The following MACO1 variants were observed in gnomAD, a reference collection of about 807,000 sequenced individuals.
The protein encoded by MACO1 is macoilin 1.
In MACO1, 14 loss-of-function variants were observed where a neutral mutation model predicts 78.7. That is an observed-to-expected ratio of 0.18 (90% CI 0.12 to 0.28). MACO1 has a LOEUF of 0.28. Ranked by LOEUF, MACO1 falls within the 10% of genes least tolerant of loss-of-function variation. The pLI, the probability that MACO1 is intolerant of heterozygous loss-of-function variation, is 1.00. For synonymous variants in MACO1, 288 were observed against 291.6 expected, an observed-to-expected ratio of 0.99 and a Z score of 0.12; for missense variants, 501 against 799.0, an observed-to-expected ratio of 0.63 and a Z score of 4.50.
intron 10 of MACO1, 45 bp from the exon 11 acceptor site, chr1:25,498,219 G>T (rs762853946): frequency 3.1e-6 from 5 of 1,604,526 alleles, no homozygotes; most frequent in Non-Finnish European, 2.6e-6. Context: ...CATTGTGTTG[G>T]GTGAGGCCTC....
intron 8 of MACO1, among the ~76,000 whole-genome samples, chr1:25,488,148 C>T (rs888996133): frequency 2.6e-5 from 4 of 152,180 alleles, no homozygotes; most frequent in Non-Finnish European, 5.9e-5. Context: ...AACTCCTGGG[C>T]TCAAGTTGTC....
intron 6 of MACO1, among the ~76,000 whole-genome samples, chr1:25,481,389 A>C (rs2043376438): frequency 6.6e-6 from 1 of 152,160 alleles, no homozygotes; most frequent in Non-Finnish European, 1.5e-5. Flanking sequence ...GCCGTAGATG[A>C]GGAAACTGAG....
At chr1:25,479,489 C>G (rs773484232) in intron 6 of MACO1, among the ~76,000 whole-genome samples, 1 of 152,146 alleles carries the variant, frequency 6.6e-6, no homozygotes, top group Non-Finnish European at 1.5e-5. Context: ...TCTTGGCTCA[C>G]TGCAACCTCT....
intron 4 of MACO1, 52 bp from the exon 5 acceptor site, chr1:25,456,601 C>T (rs2043123437): frequency 1.3e-6 from 2 of 1,575,122 alleles, no homozygotes; most frequent in East Asian, 2.3e-5. Flanking sequence ...GCTTGAGGCA[C>T]ATGTGGTTCA....
chr1:25,431,606 GC>G (rs2042870472), intron 1 of MACO1, among the ~76,000 whole-genome samples: 1 of 152,076 alleles, frequency 6.6e-6, no homozygotes, highest in South Asian at 2.1e-4. Flanking sequence ...GAGCCAGGAG[GC>G]GCGTGGACCA....
chr1:25,495,569 T>A (rs2043528242), intron 10 of MACO1, among the ~76,000 whole-genome samples: 1 of 152,200 alleles, frequency 6.6e-6, no homozygotes, highest in South Asian at 2.1e-4. Flanking sequence ...AGGGTTGTGC[T>A]CAGGATATTC....
At chr1:25,434,835 C>G (rs530415898) in intron 1 of MACO1, among the ~76,000 whole-genome samples, 24 of 152,210 alleles carry the variant, frequency 1.6e-4, no homozygotes, top group Non-Finnish European at 1.0e-4. Flanking sequence ...CCAGACACTC[C>G]CGATAGTAAT....
chr1:25,434,573 T>C (rs1275447283), intron 1 of MACO1, among the ~76,000 whole-genome samples: 1 of 152,224 alleles, frequency 6.6e-6, no homozygotes, highest in Non-Finnish European at 1.5e-5. Context: ...ATTTCTGTTG[T>C]GCTAAATTTT....
At chr1:25,483,198 G>A (rs956945252) in intron 6 of MACO1, among the ~76,000 whole-genome samples, 1 of 152,060 alleles carries the variant, frequency 6.6e-6, no homozygotes, top group Non-Finnish European at 1.5e-5. Context: ...TTACAGGCAC[G>A]CGCCACCATG....
At chr1:25,464,052 A>G (rs1205323247) in intron 6 of MACO1, among the ~76,000 whole-genome samples, 1 of 152,156 alleles carries the variant, frequency 6.6e-6, no homozygotes, top group Admixed American at 6.5e-5. Context: ...TCTTAGTGTT[A>G]AACAGTCTTA....
chr1:25,440,406 A>G (rs72660938), intron 1 of MACO1, among the ~76,000 whole-genome samples: 63,276 of 123,662 alleles, frequency 0.51, 13,469 homozygotes, highest in African/African-American at 0.58. Context: ...CAGTTCTGGG[A>G]AAAAAAAAAA....
intron 6 of MACO1, among the ~76,000 whole-genome samples, chr1:25,460,760 A>G (rs963659529): frequency 6.6e-6 from 1 of 151,012 alleles, no homozygotes; most frequent in Admixed American, 6.6e-5. Flanking sequence ...AGATGATGAC[A>G]TGGGTCCAGT....
chr1:25,471,106 A>G (rs929074673), intron 6 of MACO1, among the ~76,000 whole-genome samples: 1 of 152,124 alleles, frequency 6.6e-6, no homozygotes, highest in African/African-American at 2.4e-5. Context: ...TGGGAGGTCA[A>G]AGCAGGTGGA....
At chr1:25,494,535 A>AG (rs2043517955) in intron 10 of MACO1, among the ~76,000 whole-genome samples, 1 of 152,184 alleles carries the variant, frequency 6.6e-6, no homozygotes, top group Admixed American at 6.5e-5. Flanking sequence ...AGGAAGAAAG[A>AG]GGGGACGTGT....
At chr1:25,464,918 C>T (rs1419753905) in intron 6 of MACO1, among the ~76,000 whole-genome samples, 1 of 151,924 alleles carries the variant, frequency 6.6e-6, no homozygotes, top group Non-Finnish European at 1.5e-5. Flanking sequence ...AGGTGATCCA[C>T]CCACCTCGGC....
Position 25,450,330 on chromosome 1 carries a change from T to C in MACO1, c.349+1396T>C, listed in dbSNP as rs575600819. Among the ~76,000 whole-genome samples, 3 of 152,320 alleles carry C rather than the reference T, an allele frequency of 2.0e-5. No homozygotes were observed. In the East Asian group the frequency reaches 5.8e-4, roughly 29 times the overall value. The stretch of plus-strand genomic sequence containing the variant: ...ATGTTCTGACTAGAGTAGAGCTCCC[T>C]ACTTCTTAGAGCTATACTTCTGTCA... On this transcript the variant is annotated intron_variant, in intron 3 of 10. Transcript: ENST00000374343.
At chr1:25,489,098 G>A (rs554517073) in intron 8 of MACO1, 75 bp from the exon 9 acceptor site, 3 of 1,524,664 alleles carry the variant, frequency 2.0e-6, no homozygotes, top group Admixed American at 4.1e-5. Context: ...TGGGATTACA[G>A]GCCTGAGTCA....
intron 10 of MACO1, among the ~76,000 whole-genome samples, chr1:25,492,963 A>G (rs2043500224): frequency 6.6e-6 from 1 of 152,114 alleles, no homozygotes; most frequent in African/African-American, 2.4e-5. Flanking sequence ...GGGCAGGAGG[A>G]TCACTTGAGC....
rs1218501802 is a variant in MACO1 at position 25,498,317 on chromosome 1, G to A, written c.1846G>A (p.Glu616Lys). 4 of 1,614,118 alleles carry A rather than the reference G, an allele frequency of 2.5e-6. No individual in the cohort carries two copies. The highest frequency in any genetic ancestry group is 1.7e-5 in the Admixed American group (1 of 60,022). Residue 616 changes from glutamate (E) to lysine (K), a missense_variant, in exon 11 of 11, where the codon GAA becomes AAA. Transcript: ENST00000374343. ...CAAGGACCTAAAACAGAAGATAGCC[G>A]AAGTCATGGCCGTCATGCCCAGCAT... ...EIKDLKQKIA[E>K]VMAVMPSITY...
Sources: gnomAD v4.1 joint callset for allele counts (sites outside exome capture counted in the v4.1 genomes callset) on GRCh38, gnomAD v4.1.1 for gene constraint, MANE v1.5 for transcripts, NCBI Gene and HGNC (gene_info 2026-07-23, HGNC 2026-07-21) for gene names.